Variants in BEND5 observed in about 807,000 individuals in gnomAD.
BEND5 encodes the protein BEN domain-containing protein 5.
In BEND5, 22 loss-of-function variants were observed where a neutral mutation model predicts 43.9. The ratio of observed to expected loss-of-function variants is 0.50; its 90% confidence interval spans 0.36 to 0.72. The LOEUF is 0.72. Ranked by LOEUF, BEND5 falls within the 30% of genes least tolerant of loss-of-function variation. The pLI, the probability that BEND5 is intolerant of heterozygous loss-of-function variation, is 0.00. For synonymous variants in BEND5, 228 were observed against 225.9 expected (o/e 1.01, Z -0.08); for missense variants, 428 against 550.6 (o/e 0.78, Z 2.23).
At chr1:48,730,046 G>C (rs768663710) in intron 5 of BEND5, among the ~76,000 whole-genome samples, 2 of 152,100 alleles carry the variant, frequency 1.3e-5, no homozygotes, top group African/African-American at 2.4e-5. Context: ...CATTCTTCCA[G>C]ATTCAGCTTT....
At chr1:48,768,704 G>C (rs1934395) in intron 1 of BEND5, among the ~76,000 whole-genome samples, 43,023 of 152,064 alleles carry the variant, frequency 0.28, 6,575 homozygotes, top group East Asian at 0.56. Context: ...GCCTAATTTG[G>C]TATGAGTTTG....
In BEND5 at chr1:48,769,570, C is replaced by CACACACA. The variant is rs34256470; in HGVS notation, c.226+7035_226+7036insTGTGTGT. On this transcript the variant is annotated intron_variant, in intron 1 of 5. Coordinates refer to ENST00000371833, the MANE Select transcript of BEND5 (RefSeq NM_024603.4). ...ACACACACACACACACACACACACA[C>CACACACA]AAGTTAAATTTTAAACTTGTATGCT... Among the ~76,000 whole-genome samples the CACACACA allele has an allele frequency of 2.6e-3, 371 of 142,458 alleles. 3 individuals carry two copies. Among genetic ancestry groups the CACACACA allele is most frequent in the African/African-American group, 7.1e-3 (245 of 34,460 alleles). The allele number at this position is 142,458 out of a possible 152,430, so 93.5% of individuals were successfully genotyped here.
At chr1:48,770,055 C>G (rs1644736155) in intron 1 of BEND5, among the ~76,000 whole-genome samples, 1 of 152,154 alleles carries the variant, frequency 6.6e-6, no homozygotes, top group South Asian at 2.1e-4. Context: ...GAGCTCAGCA[C>G]CATGCTAGAA....
intron 1 of BEND5, among the ~76,000 whole-genome samples, chr1:48,771,638 T>A (rs1644839168): frequency 1.3e-5 from 2 of 152,220 alleles, no homozygotes; most frequent in Non-Finnish European, 2.9e-5. Flanking sequence ...TTTCACTCAC[T>A]TTTTTCAAGA....
chr1:48,743,300 C>T (rs1364671970), intron 3 of BEND5, among the ~76,000 whole-genome samples: 2 of 152,124 alleles, frequency 1.3e-5, no homozygotes, highest in African/African-American at 4.8e-5. Context: ...ACACATTAAG[C>T]CCCTGATTGC....
chr1:48,776,150 G>C (rs1440294664), intron 1 of BEND5, among the ~76,000 whole-genome samples: 1 of 152,102 alleles, frequency 6.6e-6, no homozygotes, highest in African/African-American at 2.4e-5. Flanking sequence ...ACTCCAAGGA[G>C]GTACCAACAG....
intron 3 of BEND5, among the ~76,000 whole-genome samples, chr1:48,744,878 C>T (rs1430886166): frequency 6.6e-6 from 1 of 152,218 alleles, no homozygotes; most frequent in African/African-American, 2.4e-5. Flanking sequence ...TTCCAGGCCT[C>T]TGTGCTGTTT....
At chr1:48,748,025 A>T (rs1168163977) in intron 3 of BEND5, among the ~76,000 whole-genome samples, 1 of 152,206 alleles carries the variant, frequency 6.6e-6, no homozygotes, top group African/African-American at 2.4e-5. Context: ...TCATAAATGC[A>T]TAGCAAATCA....
At chr1:48,745,168 T>C (rs1650545132) in intron 3 of BEND5, among the ~76,000 whole-genome samples, 1 of 152,124 alleles carries the variant, frequency 6.6e-6, no homozygotes, top group Admixed American at 6.5e-5. Context: ...AAATTCTTCA[T>C]GACATGAGAG....
At chr1:48,773,240 T>G (rs1203173092) in intron 1 of BEND5, among the ~76,000 whole-genome samples, 2 of 151,946 alleles carry the variant, frequency 1.3e-5, no homozygotes, top group Non-Finnish European at 2.9e-5. Context: ...GAAACCAGTT[T>G]GAGCCTCCTA....
chr1:48,732,776 C>T (rs1180218524), intron 5 of BEND5, among the ~76,000 whole-genome samples: 2 of 152,140 alleles, frequency 1.3e-5, no homozygotes, highest in African/African-American at 4.8e-5. Context: ...CAAGGGCACA[C>T]TGAAGGCAAT....
intron 3 of BEND5, among the ~76,000 whole-genome samples, chr1:48,748,937 G>A (rs766452384): frequency 5.9e-5 from 9 of 152,094 alleles, no homozygotes; most frequent in Non-Finnish European, 1.2e-4. Context: ...TGGATTAGGT[G>A]AGATCCCAGC....
intron 4 of BEND5, among the ~76,000 whole-genome samples, chr1:48,737,139 C>T (rs1212695158): frequency 2.6e-5 from 4 of 152,004 alleles, no homozygotes; most frequent in African/African-American, 9.7e-5. Flanking sequence ...AAAAAATTAG[C>T]CAGGTGTGGT....
Position 48,736,595 on chromosome 1 carries a change from G to A in BEND5, c.895-143C>T, listed in dbSNP as rs909085904. ...AAATTAACTCTCTTTAAGGGTAATC[G>A]TAATAGCTATCATCTACTGAATACG... On this transcript the variant is annotated intron_variant, in intron 4 of 5. Coordinates refer to ENST00000371833, the MANE Select transcript of BEND5 (RefSeq NM_024603.4). This position sits in a 1 kb window ranked among gnomAD's most constrained non-coding sequence, Gnocchi z 4.0. 7 of 712,960 alleles carry A rather than the reference G, an allele frequency of 9.8e-6. No individual in the cohort carries two copies. The highest frequency in any genetic ancestry group is 2.8e-5 in the Admixed American group (1 of 35,922). 44.2% of individuals were successfully genotyped at this position (712,960 alleles called of 1,614,324 possible).
chr1:48,753,009 A>G (rs903810720), intron 3 of BEND5, among the ~76,000 whole-genome samples: 1 of 152,156 alleles, frequency 6.6e-6, no homozygotes, highest in African/African-American at 2.4e-5. Flanking sequence ...CGGCCTCCCA[A>G]AGTGCTGGGA....
At chr1:48,734,898 T>G (rs2148570235) in intron 5 of BEND5, among the ~76,000 whole-genome samples, 1 of 152,296 alleles carries the variant, frequency 6.6e-6, no homozygotes, top group South Asian at 2.1e-4. Context: ...CTTACTTTCT[T>G]TATGAAGACA....
chr1:48,772,018 A>C (rs1288645619), intron 1 of BEND5, among the ~76,000 whole-genome samples: 1 of 152,134 alleles, frequency 6.6e-6, no homozygotes, highest in Non-Finnish European at 1.5e-5. Flanking sequence ...TATCTCCCCT[A>C]TTTCCCTCTC....
At chr1:48,733,751 GAA>G (rs1330073901) in intron 5 of BEND5, among the ~76,000 whole-genome samples, 1 of 152,180 alleles carries the variant, frequency 6.6e-6, no homozygotes, top group South Asian at 2.1e-4. Flanking sequence ...AACATGGAGA[GAA>G]AGTGATTTAC....
intron 2 of BEND5, chr1:48,761,041 G>A (rs1230443677): frequency 4.9e-5 from 14 of 286,102 alleles, no homozygotes; most frequent in African/African-American, 3.0e-4. Context: ...GACCTCTCCA[G>A]AGCTGTGGGC....
Sources: gnomAD v4.1 joint callset for allele counts (sites outside exome capture counted in the v4.1 genomes callset) on GRCh38, gnomAD v4.1.1 for gene constraint, Gnocchi (gnomAD v3.1) non-coding constraint, MANE v1.5 for transcripts, NCBI Gene and HGNC (gene_info 2026-07-23, HGNC 2026-07-21) for gene names.